The following DNAH5 variants were observed in gnomAD, a reference collection of about 807,000 sequenced individuals.
The protein encoded by DNAH5 is dynein axonemal heavy chain 5.
In DNAH5, 372 loss-of-function variants were observed where a neutral mutation model predicts 518.2. That is an observed-to-expected ratio of 0.72 (90% confidence interval 0.66 to 0.78). The LOEUF (loss-of-function observed/expected upper bound fraction) is 0.78, where lower values mean the gene tolerates loss of function less well. Among genes scored for constraint, DNAH5 ranks in the 30% least tolerant of loss-of-function variants. DNAH5 has a pLI of 0.00. For synonymous variants in DNAH5, 2,039 were observed against 2,025.9 expected (o/e 1.01, Z -0.17); for missense variants, 5,523 against 5,687.0 (o/e 0.97, Z 0.93).
At chr5:13,840,588 TA>T (rs1256361760) in intron 34 of DNAH5, among the ~76,000 whole-genome samples, 2 of 152,182 alleles carry the variant, frequency 1.3e-5, no homozygotes, top group Non-Finnish European at 2.9e-5. Context: ...GATCTTCAAT[TA>T]ATAGGTAAAA....
At chr5:13,880,088 C>G (rs1771451720) in intron 21 of DNAH5, among the ~76,000 whole-genome samples, 1 of 152,130 alleles carries the variant, frequency 6.6e-6, no homozygotes, top group East Asian at 1.9e-4. Context: ...AGGGAACACT[C>G]ATAAGACTAT....
intron 53 of DNAH5, among the ~76,000 whole-genome samples, chr5:13,777,599 G>T (rs1003135893): frequency 3.3e-4 from 50 of 152,200 alleles, no homozygotes; most frequent in Non-Finnish European, 6.3e-4. Flanking sequence ...AACAAAAATA[G>T]AATTTTTATC....
intron 13 of DNAH5, 87 bp downstream of exon 13, chr5:13,901,966 A>C: frequency 9.9e-7 from 1 of 1,008,390 alleles, no homozygotes; most frequent in Non-Finnish European, 1.5e-6. Flanking sequence ...TTTCCATCAG[A>C]ATATGAAATA....
rs576308212 is a variant in DNAH5, at chr5:13,758,357, T to G, written c.10419+489A>C. Among the ~76,000 whole-genome samples, 8 of 152,188 alleles carry G rather than the reference T, an allele frequency of 5.3e-5. No homozygotes were observed. The East Asian group carries it at 9.7e-4, about 18-fold the overall frequency. Reference sequence around the variant, plus strand: ...GTCTCTACAAAAAATTAGCCAGGCATGGTGGTGCATGTCTGTAGTCCCAGC... The same window carrying G: ...GTCTCTACAAAAAATTAGCCAGGCAGGGTGGTGCATGTCTGTAGTCCCAGC... On this transcript the variant is annotated intron_variant, in intron 61 of 78. Transcript: ENST00000265104.
chr5:13,884,250 C>A (rs2151940299), intron 19 of DNAH5, among the ~76,000 whole-genome samples: 1 of 152,282 alleles, frequency 6.6e-6, no homozygotes, highest in Non-Finnish European at 1.5e-5. Context: ...GACTGGCTAA[C>A]AAACCTAATG....
intron 35 of DNAH5, among the ~76,000 whole-genome samples, chr5:13,832,824 C>A (rs1057098879): frequency 1.3e-5 from 2 of 152,258 alleles, no homozygotes; most frequent in Middle Eastern, 3.4e-3. Context: ...GAATGTGACC[C>A]TGATGCCAAA....
intron 75 of DNAH5, among the ~76,000 whole-genome samples, chr5:13,709,156 G>A (rs987285942): frequency 6.6e-6 from 1 of 152,158 alleles, no homozygotes. Flanking sequence ...AGTTCAGTCT[G>A]TAGTATTAGC....
chr5:13,824,227 A>G lies in DNAH5; in HGVS notation c.6551T>C (p.Val2184Ala), dbSNP rs200805455. Residue 2184 changes from valine to alanine, a missense_variant, in exon 39 of 79, where the codon GTA (valine) becomes GCA (alanine). Around this residue, in one of 3 missense-constraint regions of DNAH5, gnomAD observed 5,121 missense variants for 5,223.3 expected, o/e 0.98. Coordinates refer to ENST00000265104, the MANE Select transcript of DNAH5 (RefSeq NM_001369.3). ...TTTAGAAAGATTCATGTCCCGTAGTACACGCATGACAATCGTGGACTCCGT... is the reference window on the plus strand; with the variant it reads ...TTTAGAAAGATTCATGTCCCGTAGTGCACGCATGACAATCGTGGACTCCGT... Reference protein sequence around the residue: ...MDTESTIVMRVLRDMNLSKLI... With the variant: ...MDTESTIVMRALRDMNLSKLI... 185 of 1,613,846 alleles carry G rather than the reference A, an allele frequency of 1.1e-4. No homozygotes were observed. Among genetic ancestry groups the G allele is most frequent in the Non-Finnish European group, 1.5e-4 (182 of 1,179,856 alleles).
At chr5:13,823,919 T>A (rs1184663616) in intron 39 of DNAH5, among the ~76,000 whole-genome samples, 3 of 152,216 alleles carry the variant, frequency 2.0e-5, no homozygotes, top group African/African-American at 7.2e-5. Context: ...ATTTGAGTTC[T>A]AAAACACAAA....
At chr5:13,806,189 T>C (rs140208379) in intron 47 of DNAH5, among the ~76,000 whole-genome samples, 129 of 152,244 alleles carry the variant, frequency 8.5e-4, no homozygotes, top group African/African-American at 2.9e-3. Flanking sequence ...GGAACACATA[T>C]AACGTTAGCA....
rs141993196 is a variant in DNAH5, at chr5:13,717,461, C to T, written c.12559G>A (p.Ala4187Thr). 12 of 1,614,158 alleles carry T rather than the reference C, an allele frequency of 7.4e-6. No individual in the cohort carries two copies. The highest frequency in any genetic ancestry group is 2.2e-5 in the East Asian group (1 of 44,868). ...ACAGTGGAGTGCAGGAAAGCCACTG[C>T]GTACAGCATGGGCTTCCACTGGGAC... is the stretch of plus-strand genomic sequence containing the variant. ...SGSQWKPMLY[A>T]VAFLHSTVQE... is the part of the protein sequence containing the mutation. Residue 4187 changes from alanine (A) to threonine (T), a missense_variant, in exon 73 of 79, where the codon GCA (alanine) becomes ACA (threonine). Transcript: ENST00000265104.
In DNAH5 at chr5:13,843,279, A is replaced by G. The variant is rs114045080; in HGVS notation, c.5272-1375T>C. Among the ~76,000 whole-genome samples the G allele has an allele frequency of 3.2e-3, 488 of 152,204 alleles. 4 individuals are homozygous for G. Among genetic ancestry groups the G allele is most frequent in the African/African-American group, 0.011 (470 of 41,508 alleles). The stretch of plus-strand genomic sequence containing the variant: ...TTCATTCCGCCTCCTACACTGTACC[A>G]GAGAATGTTTCTGAAACACAAATCA... On this transcript the variant is annotated intron_variant, in intron 32 of 78. Transcript: ENST00000265104.
chr5:13,751,125 C>T lies in DNAH5; in HGVS notation c.11164G>A (p.Gly3722Ser), dbSNP rs1203293825. 1.2e-6 allele frequency: 2 copies of T among 1,613,988 alleles called. No individual in the cohort carries two copies. The highest frequency in any genetic ancestry group is 1.3e-5 in the African/African-American group (1 of 75,036). The change falls in exon 65 of 79, where the codon GGT becomes AGT. Residue 3722 changes from glycine (G) to serine (S), a missense_variant. Gly to Ser is a moderately conservative substitution (Grantham distance 56, BLOSUM62 0). Around this residue, in one of 3 missense-constraint regions of DNAH5, gnomAD observed 5,121 missense variants for 5,223.3 expected, o/e 0.98. Coordinates refer to ENST00000265104, the MANE Select transcript of DNAH5 (RefSeq NM_001369.3). ...CTCCCCAGTAACTGATCTTCTAGAC[C>T]TTTCATGGTGACAGTGAAGTCAATG... Reference protein sequence around the residue: ...SIIDFTVTMKGLEDQLLGRVI... With the variant: ...SIIDFTVTMKSLEDQLLGRVI...
At chr5:13,857,742 G>A (rs925769333) in intron 30 of DNAH5, among the ~76,000 whole-genome samples, 3 of 152,040 alleles carry the variant, frequency 2.0e-5, no homozygotes, top group Admixed American at 6.5e-5. Flanking sequence ...CGACAAACCT[G>A]ACAAAACAAG....
intron 12 of DNAH5, among the ~76,000 whole-genome samples, chr5:13,908,684 A>G (rs1229623379): frequency 6.6e-6 from 1 of 152,176 alleles, no homozygotes; most frequent in Non-Finnish European, 1.5e-5. Context: ...TGGGATCAGC[A>G]TGCTTCTAGA....
Position 13,841,769 on chromosome 5 carries a change from C to A in DNAH5, c.5407G>T (p.Val1803Leu), listed in dbSNP as rs1423097180. 6.2e-7 allele frequency: 1 copy of A among 1,614,048 alleles called. No individual in the cohort carries two copies. ...ATATTTGCGGCTGCCTGGCGAATCA[C>A]AAGATGCAATGAGGACTGAGATTCT... Reference protein sequence around the residue: ...LEESQSSLHLVIRQAAANIQE... With the variant: ...LEESQSSLHLLIRQAAANIQE... Residue 1803 changes from valine (V) to leucine (L), a missense_variant, in exon 33 of 79, where the codon GTG (valine) becomes TTG (leucine). Physicochemically the swap from Val to Leu is conservative, Grantham distance 32. This residue lies in a region of DNAH5 where 5,121 missense variants were observed against 5,223.3 expected (regional missense o/e 0.98). Transcript: ENST00000265104.
intron 65 of DNAH5, among the ~76,000 whole-genome samples, chr5:13,746,793 T>G (rs896167229): frequency 6.6e-6 from 1 of 152,122 alleles, no homozygotes; most frequent in Non-Finnish European, 1.5e-5. Flanking sequence ...TGGCTCATTT[T>G]TTTTCTATAA....
intron 61 of DNAH5, among the ~76,000 whole-genome samples, chr5:13,758,399 G>A (rs1280773994): frequency 6.6e-6 from 1 of 152,124 alleles, no homozygotes; most frequent in African/African-American, 2.4e-5. Flanking sequence ...GGAGGCTGAG[G>A]TGGAATGATC....
intron 70 of DNAH5, among the ~76,000 whole-genome samples, chr5:13,725,998 C>T (rs945687987): frequency 1.3e-5 from 2 of 152,192 alleles, no homozygotes; most frequent in Admixed American, 6.5e-5. Context: ...AGGAGACACA[C>T]TCGGACAGTG....
Sources: gnomAD v4.1 joint callset for allele counts (sites outside exome capture counted in the v4.1 genomes callset) on GRCh38, gnomAD v4.1.1 for gene constraint, gnomAD v4.1.1 regional missense constraint, MANE v1.5 for transcripts, NCBI Gene and HGNC (gene_info 2026-07-23, HGNC 2026-07-21) for gene names.